The following MYH15 variants were observed in gnomAD, a reference collection of about 807,000 sequenced individuals.
MYH15 encodes myosin heavy chain 15, also known as myosin-15.
Under a neutral mutation model 240.5 loss-of-function variants are expected in MYH15, and 227 were observed. That is an observed-to-expected ratio of 0.94 (90% CI 0.85 to 1.05). MYH15 has a LOEUF of 1.05. Among genes scored for constraint, MYH15 ranks in the 50% least tolerant of loss-of-function variants. The probability of loss-of-function intolerance (pLI) is 0.00; values close to 1 mark genes in which losing one functional copy is unlikely to be tolerated. For missense variants in MYH15, 2,217 were observed against 2,247.5 expected (o/e 0.99, Z 0.27); for synonymous variants, 785 against 796.7 (o/e 0.99, Z 0.25).
At position 108,398,812 on chromosome 3, in the gene MYH15, G is replaced by A; in HGVS notation, c.4958C>T (p.Thr1653Ile). ...CTCCTTCAGATCACTGTTCAGTTGT[G>A]TGCTGTCATCCAGCTGCATTTGAAG... is the stretch of plus-strand genomic sequence containing the variant. ...KDLQMQLDDS[T>I]QLNSDLKEQV... Residue 1653 changes from threonine (T) to isoleucine (I), a missense_variant, in exon 35 of 41, where the codon ACA (threonine) becomes ATA (isoleucine). Physicochemically the swap from Thr to Ile is moderately conservative, Grantham distance 89 (BLOSUM62 -1). Transcript: ENST00000693548. 6.2e-7 allele frequency: 1 copy of A among 1,614,178 alleles called. No individual in the cohort carries two copies. The highest frequency in any genetic ancestry group is 8.5e-7 in the Non-Finnish European group (1 of 1,180,022).
intron 1 of MYH15, 119 bp downstream of exon 1, chr3:108,510,324 T>C (rs2249886): frequency 1 from 1,344,375 of 1,344,802 alleles, 671,975 homozygotes; most frequent in Middle Eastern, 1. Context: ...AGGCTGATCA[T>C]ACCCTAAGCA....
intron 12 of MYH15, among the ~76,000 whole-genome samples, chr3:108,473,073 T>C (rs974133013): frequency 1.4e-4 from 22 of 152,294 alleles, no homozygotes; most frequent in Admixed American, 1.4e-3. Flanking sequence ...AATGGCACGA[T>C]CTCAGCTCAC....
intron 35 of MYH15, among the ~76,000 whole-genome samples, chr3:108,395,627 T>C (rs1051074727): frequency 1.5e-5 from 2 of 135,304 alleles, no homozygotes; most frequent in East Asian, 2.4e-4. Flanking sequence ...TTTGTTTTTT[T>C]TTTCTTTCTT....
chr3:108,449,533 A>G (rs1413154546), intron 21 of MYH15, among the ~76,000 whole-genome samples: 2 of 152,058 alleles, frequency 1.3e-5, no homozygotes, highest in Non-Finnish European at 2.9e-5. Context: ...AGATATCCAC[A>G]TGCAGAAGAC....
chr3:108,467,030 G>A (rs1329210728), intron 14 of MYH15, among the ~76,000 whole-genome samples: 1 of 151,858 alleles, frequency 6.6e-6, no homozygotes. Flanking sequence ...GAAGTTCCTG[G>A]AGTGCCAGGA....
At chr3:108,457,937 G>A (rs1181227456) in intron 18 of MYH15, among the ~76,000 whole-genome samples, 1 of 152,162 alleles carries the variant, frequency 6.6e-6, no homozygotes, top group Admixed American at 6.5e-5. Flanking sequence ...AGGAGGCTGA[G>A]GTACAAGAAT....
intron 28 of MYH15, among the ~76,000 whole-genome samples, chr3:108,419,722 A>T (rs922859967): frequency 1.3e-5 from 2 of 152,200 alleles, no homozygotes; most frequent in African/African-American, 4.8e-5. Context: ...CCAGGTTTTT[A>T]GTTTTATCAA....
At chr3:108,413,775 C>T (rs2082612291) in intron 30 of MYH15, among the ~76,000 whole-genome samples, 1 of 152,120 alleles carries the variant, frequency 6.6e-6, no homozygotes, top group Admixed American at 6.5e-5. Context: ...ACATTTTTTT[C>T]CAGCTTCCCT....
Position 108,501,702 on chromosome 3 carries a change from T to C in MYH15, c.339+10A>G, listed in dbSNP as rs2083439661. ...AACATGACAGTTTAGCAGGAAAGCA[T>C]ATTACACACATAGATCATCCACTGG... On this transcript the variant is annotated intron_variant, in intron 3 of 40. Coordinates refer to ENST00000693548, the MANE Select transcript of MYH15 (RefSeq NM_014981.3). The C allele has an allele frequency of 6.2e-7, 1 of 1,613,902 alleles. No homozygotes were observed. The highest frequency in any genetic ancestry group is 1.7e-5 in the Admixed American group (1 of 60,018).
In MYH15 at chr3:108,444,701, A is replaced by G. The variant is rs1426571425; in HGVS notation, c.2594T>C (p.Leu865Pro). The G allele has an allele frequency of 6.2e-7, 1 of 1,614,050 alleles. No individual in the cohort carries two copies. Among genetic ancestry groups the G allele is most frequent in the Non-Finnish European group, 8.5e-7 (1 of 1,179,954 alleles). ...LEKSEFQREELKAKQVSLTQE... is the reference protein window; with the variant it reads ...LEKSEFQREEPKAKQVSLTQE... ...AGTGAGGGATACTTGCTTTGCTTTC[A>G]GTTCCTCCCTCTGAAACTCTGATTT... The change falls in exon 22 of 41, where the codon CTG becomes CCG. Residue 865 changes from leucine (L) to proline (P), a missense_variant. Physicochemically the swap from Leu to Pro is moderately conservative, Grantham distance 98. Coordinates refer to ENST00000693548, the MANE Select transcript of MYH15 (RefSeq NM_014981.3).
At chr3:108,549,733 C>T in the MYH15 span, 5 of 151,976 alleles carry the variant, frequency 3.3e-5, no homozygotes, top group Non-Finnish European at 1.5e-5. Context: ...AGAACACTGT[C>T]ATTATCACAG....
intron 5 of MYH15, among the ~76,000 whole-genome samples, 183 bp from the exon 6 acceptor site, chr3:108,498,328 G>C (rs1461614700): frequency 6.6e-6 from 1 of 152,138 alleles, no homozygotes; most frequent in African/African-American, 2.4e-5. Context: ...GGACATTTCA[G>C]GCTGGAAAAA....
At chr3:108,429,969 G>T (rs1032399990) in intron 26 of MYH15, among the ~76,000 whole-genome samples, 1 of 152,110 alleles carries the variant, frequency 6.6e-6, no homozygotes, top group African/African-American at 2.4e-5. Flanking sequence ...AGAACTTTTT[G>T]AGTCATCAAG....
At chr3:108,484,736 T>A (rs1193840469) in intron 11 of MYH15, among the ~76,000 whole-genome samples, 1 of 152,154 alleles carries the variant, frequency 6.6e-6, no homozygotes, top group East Asian at 1.9e-4. Flanking sequence ...CACCTCGGCC[T>A]CCCCAAGTGC....
At chr3:108,507,272 T>TAC (rs1319927554) in intron 1 of MYH15, among the ~76,000 whole-genome samples, 7 of 73,884 alleles carry the variant, frequency 9.5e-5, no homozygotes, top group Non-Finnish European at 2.2e-4. Context: ...TATATATATA[T>TAC]ATATACACAT....
chr3:108,524,409 T>C (rs935202102), intron 1 of MYH15, among the ~76,000 whole-genome samples: 1 of 152,080 alleles, frequency 6.6e-6, no homozygotes, highest in African/African-American at 2.4e-5. Flanking sequence ...GGGTATTTAC[T>C]TGTTCTTTTC....
intron 12 of MYH15, among the ~76,000 whole-genome samples, chr3:108,475,561 TG>T (rs2083213009): frequency 6.6e-6 from 1 of 152,138 alleles, no homozygotes; most frequent in Admixed American, 6.6e-5. Flanking sequence ...CTTTTCTCCT[TG>T]TGCAGTCACT....
chr3:108,500,095 C>G (rs374973708), intron 4 of MYH15, 23 bp downstream of exon 4: 188 of 1,604,102 alleles, frequency 1.2e-4, no homozygotes, highest in Non-Finnish European at 1.5e-4. Context: ...TTTTACTTTT[C>G]ATTTTGTAGG....
chr3:108,523,218 G>T (rs1371719104), intron 1 of MYH15, among the ~76,000 whole-genome samples: 2 of 151,960 alleles, frequency 1.3e-5, no homozygotes, highest in Non-Finnish European at 2.9e-5. Context: ...TCTCTGGATG[G>T]TGGGATTATG....
Sources: allele counts gnomAD v4.1 joint callset (sites outside exome capture counted in the v4.1 genomes callset), GRCh38; gene constraint gnomAD v4.1.1; transcripts MANE v1.5; gene names NCBI Gene and HGNC (gene_info 2026-07-23, HGNC 2026-07-21).